The following RIPOR2 variants were observed in gnomAD, a reference collection of about 807,000 sequenced individuals.
RIPOR2 encodes rho family-interacting cell polarization regulator 2.
RIPOR2 carries 39 observed loss-of-function variants against 114.5 expected under a neutral mutation model. The observed-to-expected ratio is 0.34, with a 90% CI of 0.26 to 0.44. The LOEUF (loss-of-function observed/expected upper bound fraction) is 0.44, where lower values mean the gene tolerates loss of function less well. Ranked by LOEUF, RIPOR2 falls within the 20% of genes least tolerant of loss-of-function variation. RIPOR2 has a pLI of 1.00. For missense variants in RIPOR2, 1,007 were observed against 1,255.1 expected (o/e 0.80, Z 2.99); for synonymous variants, 445 against 484.4 (o/e 0.92, Z 1.07).
chr6:24,976,830 C>T, intron 1 of RIPOR2: 2 of 1,610,708 alleles, frequency 1.2e-6, no homozygotes, highest in South Asian at 1.1e-5. Context: ...TTCATCTGCA[C>T]TGCCAAGACT....
At chr6:24,933,686 C>T (rs1771557907) in intron 1 of RIPOR2, among the ~76,000 whole-genome samples, 1 of 152,174 alleles carries the variant, frequency 6.6e-6, no homozygotes, top group Non-Finnish European at 1.5e-5. Context: ...ATCTGTACAA[C>T]CGATAGGTAT....
intron 1 of RIPOR2, among the ~76,000 whole-genome samples, chr6:25,000,331 A>G (rs1167551398): frequency 6.6e-6 from 1 of 152,124 alleles, no homozygotes; most frequent in Non-Finnish European, 1.5e-5. Flanking sequence ...AATGCACTCC[A>G]ATGTAAGAGT....
chr6:24,900,720 C>T (rs2817724), intron 1 of RIPOR2, among the ~76,000 whole-genome samples: 58,013 of 152,030 alleles, frequency 0.38, 11,497 homozygotes, highest in African/African-American at 0.48. Flanking sequence ...ATCTGGCCGC[C>T]GCACTCCAGT....
At chr6:25,002,254 A>C (rs1775356154) in intron 1 of RIPOR2, among the ~76,000 whole-genome samples, 2 of 152,208 alleles carry the variant, frequency 1.3e-5, no homozygotes, top group African/African-American at 4.8e-5. Context: ...ACAACCATAT[A>C]AGTATTGGGT....
intron 1 of RIPOR2, among the ~76,000 whole-genome samples, chr6:24,891,920 G>A (rs774850973): frequency 6.6e-6 from 1 of 152,156 alleles, no homozygotes; most frequent in Non-Finnish European, 1.5e-5. Context: ...GTGCAGTGAT[G>A]TGATCTCAGC....
Position 24,872,962 on chromosome 6 carries a change from G to A in RIPOR2, c.345-3C>T. The A allele has an allele frequency of 2.5e-6, 4 of 1,593,788 alleles. No homozygotes were observed. Among genetic ancestry groups the A allele is most frequent in the Non-Finnish European group, 3.4e-6 (4 of 1,161,882 alleles). On this transcript the variant is annotated splice_polypyrimidine_tract_variant and splice_region_variant and intron_variant, in intron 3 of 21. Coordinates refer to ENST00000643898, the MANE Select transcript of RIPOR2 (RefSeq NM_001286445.3). ...TCTGGTGAACCTCCAGATATTCACTGCAAAGATAAGACAAGATGTAATCGT... is the reference window on the plus strand; with the variant it reads ...TCTGGTGAACCTCCAGATATTCACTACAAAGATAAGACAAGATGTAATCGT...
At chr6:24,993,596 G>A (rs1774927327) in intron 1 of RIPOR2, among the ~76,000 whole-genome samples, 2 of 152,244 alleles carry the variant, frequency 1.3e-5, no homozygotes, top group Non-Finnish European at 2.9e-5. Context: ...TTTCATGAAA[G>A]AGGTTAATGG....
At chr6:24,952,246 C>A (rs1002756813) in intron 1 of RIPOR2, among the ~76,000 whole-genome samples, 1 of 152,200 alleles carries the variant, frequency 6.6e-6, no homozygotes, top group African/African-American at 2.4e-5. Flanking sequence ...CCTCTGCCAG[C>A]TGTTATTCCT....
intron 1 of RIPOR2, among the ~76,000 whole-genome samples, chr6:24,909,648 T>C (rs914057754): frequency 6.6e-5 from 10 of 152,128 alleles, no homozygotes; most frequent in African/African-American, 2.2e-4. Flanking sequence ...GTACAATTTC[T>C]TCAGAATGGG....
At chr6:25,002,334 C>A (rs1775359058) in intron 1 of RIPOR2, among the ~76,000 whole-genome samples, 2 of 152,176 alleles carry the variant, frequency 1.3e-5, no homozygotes. Flanking sequence ...TCCTCCAACT[C>A]GTAGACTCTA....
chr6:24,999,912 G>A (rs1292203931), intron 1 of RIPOR2, among the ~76,000 whole-genome samples: 1 of 152,162 alleles, frequency 6.6e-6, no homozygotes, highest in East Asian at 1.9e-4. Context: ...ACACCAGCTG[G>A]AGTCGAGGTC....
chr6:24,897,508 A>G (rs1201245561), intron 1 of RIPOR2, among the ~76,000 whole-genome samples: 2 of 152,236 alleles, frequency 1.3e-5, no homozygotes, highest in Non-Finnish European at 2.9e-5. Flanking sequence ...CACAATTAAT[A>G]TTCGCAGCAG....
At chr6:24,846,236 C>T (rs1762255951) in intron 12 of RIPOR2, among the ~76,000 whole-genome samples, 1 of 151,776 alleles carries the variant, frequency 6.6e-6, no homozygotes, top group East Asian at 1.9e-4. Flanking sequence ...GTGTATTTCC[C>T]CCATACAATC....
At chr6:24,973,079 A>AC (rs1773861565) in intron 1 of RIPOR2, among the ~76,000 whole-genome samples, 1 of 42,714 alleles carries the variant, frequency 2.3e-5, no homozygotes, top group Non-Finnish European at 1.4e-4. Flanking sequence ...GAAAGAAGAG[A>AC]GGGAAAAAGA....
chr6:24,974,853 C>A (rs1027908610), intron 1 of RIPOR2, among the ~76,000 whole-genome samples: 4 of 152,072 alleles, frequency 2.6e-5, no homozygotes, highest in African/African-American at 9.7e-5. Flanking sequence ...CATAGATGAA[C>A]CATTAAAATA....
At chr6:24,819,404 G>A (rs1386924637) in intron 19 of RIPOR2, among the ~76,000 whole-genome samples, 2 of 152,142 alleles carry the variant, frequency 1.3e-5, no homozygotes, top group African/African-American at 4.8e-5. Context: ...AGGAAGACAG[G>A]AGGAGGCAGT....
In RIPOR2 at chr6:24,835,646, A is replaced by G. The variant is rs540274884; in HGVS notation, c.2208+57T>C. The G allele has an allele frequency of 8.7e-6, 13 of 1,491,146 alleles. No homozygotes were observed. The East Asian group carries it at 2.7e-4, about 31-fold the overall frequency. 92.4% of individuals were successfully genotyped at this position (1,491,146 alleles called of 1,614,324 possible). On this transcript the variant is annotated intron_variant, in intron 15 of 21. Coordinates refer to ENST00000643898, the MANE Select transcript of RIPOR2 (RefSeq NM_001286445.3). ...TGGCAACACTAAAAAATGAAAGCAC[A>G]CTTCCTGGTATGTAAATCACCTGGC...
chr6:24,819,583 G>A (rs867129888), intron 19 of RIPOR2, among the ~76,000 whole-genome samples: 3 of 148,196 alleles, frequency 2.0e-5, no homozygotes, highest in East Asian at 2.0e-4. Context: ...GTGTGATCTC[G>A]GCTCACTGTA....
chr6:24,944,660 C>A (rs1050701963), intron 1 of RIPOR2, among the ~76,000 whole-genome samples: 1 of 152,114 alleles, frequency 6.6e-6, no homozygotes. Context: ...GCAAACTTCC[C>A]AGATTTGATG....
Sources: gnomAD v4.1 joint callset for allele counts (sites outside exome capture counted in the v4.1 genomes callset) on GRCh38, gnomAD v4.1.1 for gene constraint, MANE v1.5 for transcripts, NCBI Gene and HGNC (gene_info 2026-07-23, HGNC 2026-07-21) for gene names.